The following CNTNAP5 variants were observed in gnomAD, a reference collection of about 807,000 sequenced individuals.
CNTNAP5 encodes contactin associated protein family member 5.
In CNTNAP5, 72 loss-of-function variants were observed where a neutral mutation model predicts 150.2. The observed-to-expected ratio is 0.48, with a 90% confidence interval of 0.40 to 0.58. The LOEUF (loss-of-function observed/expected upper bound fraction) is 0.58, where lower values mean the gene tolerates loss of function less well. CNTNAP5 is among the 20% of genes least tolerant of loss of function. The probability of loss-of-function intolerance (pLI) is 0.00; values close to 1 mark genes in which losing one functional copy is unlikely to be tolerated. For missense variants in CNTNAP5, 1,636 were observed against 1,626.2 expected, an observed-to-expected ratio of 1.01 and a Z score of -0.10; for synonymous variants, 672 against 619.8, an observed-to-expected ratio of 1.08 and a Z score of -1.25.
intron 7 of CNTNAP5, among the ~76,000 whole-genome samples, chr2:124,492,082 C>T (rs1694045354): frequency 6.6e-6 from 1 of 152,070 alleles, no homozygotes. Flanking sequence ...CCTTTTCATT[C>T]TGTTGCTTCC....
At chr2:124,733,004 G>T (rs1177755233) in intron 13 of CNTNAP5, among the ~76,000 whole-genome samples, 2 of 152,092 alleles carry the variant, frequency 1.3e-5, no homozygotes, top group East Asian at 1.9e-4. Context: ...ATGAATAATT[G>T]CAATGGCATT....
intron 1 of CNTNAP5, among the ~76,000 whole-genome samples, chr2:124,219,348 G>A (rs2104737223): frequency 6.6e-6 from 1 of 152,272 alleles, no homozygotes; most frequent in South Asian, 2.1e-4. Flanking sequence ...TAGTAGCAGA[G>A]TTGTATACAT....
intron 3 of CNTNAP5, among the ~76,000 whole-genome samples, chr2:124,376,474 T>C (rs1690652232): frequency 6.6e-6 from 1 of 152,076 alleles, no homozygotes; most frequent in South Asian, 2.1e-4. Context: ...GGAACTGAGA[T>C]TTGCTCTGCT....
rs2104771845 is a variant in CNTNAP5, at chr2:124,914,379, T to C, written c.*91T>C. On this transcript the variant is annotated 3_prime_UTR_variant, in exon 24 of 24. Transcript: ENST00000682447. ...CTGTCTTTTGATTTGGTCATTCTCT[T>C]TATTTTCTGCTTGCCATGTCTTTTC... The C allele has an allele frequency of 1.1e-6, 1 of 932,942 alleles. No individual in the cohort carries two copies. The highest frequency in any genetic ancestry group is 1.6e-6 in the Non-Finnish European group (1 of 613,364). 57.8% of individuals were successfully genotyped at this position (932,942 alleles called of 1,614,324 possible).
rs537519081 is a variant in CNTNAP5 at position 124,794,145 on chromosome 2, G to C, written c.2993-3951G>C. Among the ~76,000 whole-genome samples, 356 of 152,208 alleles carry C rather than the reference G, an allele frequency of 2.3e-3. 5 individuals carry two copies. Among genetic ancestry groups the C allele is most frequent in the African/African-American group, 7.6e-3 (316 of 41,516 alleles). On this transcript the variant is annotated intron_variant, in intron 18 of 23. Coordinates refer to ENST00000682447, the MANE Select transcript of CNTNAP5 (RefSeq NM_001367498.1). The stretch of plus-strand genomic sequence containing the variant: ...TTAATGATTGCAATATGTTCCATCT[G>C]GTGCTACTACCTTCTCTTGTTTAAT...
chr2:124,085,942 A>G (rs764279012), intron 1 of CNTNAP5, among the ~76,000 whole-genome samples: 1 of 152,166 alleles, frequency 6.6e-6, no homozygotes, highest in Admixed American at 6.5e-5. Flanking sequence ...CATACATTCA[A>G]TGAAAACTTG....
At chr2:124,207,609 C>T (rs930285667) in intron 1 of CNTNAP5, among the ~76,000 whole-genome samples, 7 of 152,170 alleles carry the variant, frequency 4.6e-5, no homozygotes, top group African/African-American at 1.7e-4. Flanking sequence ...TCTTTGCTCA[C>T]AGTTTTGAAA....
chr2:124,707,162 G>T (rs1679701822), intron 13 of CNTNAP5, among the ~76,000 whole-genome samples: 1 of 135,588 alleles, frequency 7.4e-6, no homozygotes, highest in East Asian at 2.8e-4. Flanking sequence ...AGAAGAAGAA[G>T]AAGAAGAAGA....
At chr2:124,362,293 G>A (rs976452651) in intron 3 of CNTNAP5, among the ~76,000 whole-genome samples, 4 of 152,194 alleles carry the variant, frequency 2.6e-5, no homozygotes, top group Non-Finnish European at 5.9e-5. Context: ...GCTGGGAGCT[G>A]TAGACCGGAG....
chr2:124,756,310 G>A (rs1680839032), intron 14 of CNTNAP5, among the ~76,000 whole-genome samples: 1 of 152,222 alleles, frequency 6.6e-6, no homozygotes, highest in Non-Finnish European at 1.5e-5. Flanking sequence ...CGTTTACACT[G>A]TGGGTGGGAG....
At chr2:124,266,787 G>C (rs148754704) in intron 3 of CNTNAP5, among the ~76,000 whole-genome samples, 1 of 152,054 alleles carries the variant, frequency 6.6e-6, no homozygotes, top group African/African-American at 2.4e-5. Context: ...ACTCAGCCCC[G>C]TCAGCCAATT....
chr2:124,771,073 A>C (rs140516550), intron 16 of CNTNAP5, among the ~76,000 whole-genome samples: 87 of 152,254 alleles, frequency 5.7e-4, no homozygotes, highest in African/African-American at 2.0e-3. Flanking sequence ...GATACTCAAA[A>C]TTCTGTGTAA....
chr2:124,529,475 T>C (rs1695056768), intron 10 of CNTNAP5, among the ~76,000 whole-genome samples: 1 of 152,172 alleles, frequency 6.6e-6, no homozygotes, highest in Non-Finnish European at 1.5e-5. Flanking sequence ...GAGTAAGTGG[T>C]AAGTTTTTCT....
chr2:124,767,031 T>A (rs1573603543), intron 16 of CNTNAP5, among the ~76,000 whole-genome samples: 1 of 152,182 alleles, frequency 6.6e-6, no homozygotes, highest in African/African-American at 2.4e-5. Flanking sequence ...GATGGAAACA[T>A]CTTGTATTCT....
intron 3 of CNTNAP5, among the ~76,000 whole-genome samples, chr2:124,411,490 G>A (rs1177683186): frequency 1.3e-5 from 2 of 150,632 alleles, no homozygotes; most frequent in Admixed American, 6.6e-5. Context: ...TAAAATACTG[G>A]GAAAATGAAT....
At chr2:124,470,982 T>C (rs573923974) in intron 6 of CNTNAP5, among the ~76,000 whole-genome samples, 1 of 152,298 alleles carries the variant, frequency 6.6e-6, no homozygotes, top group East Asian at 1.9e-4. Context: ...AGCCTTGTAG[T>C]ATAGTTTGAA....
intron 4 of CNTNAP5, among the ~76,000 whole-genome samples, chr2:124,419,374 C>G (rs911014254): frequency 1.5e-4 from 23 of 152,234 alleles, no homozygotes; most frequent in African/African-American, 2.4e-4. Context: ...AAATCACAGG[C>G]TGCAGGGTTG....
Position 124,657,015 on chromosome 2 carries a change from G to C in CNTNAP5, c.2077+9057G>C, listed in dbSNP as rs182524007. ...TGAGACAGATGCCATGTCTGGCACA[G>C]AGTAGGCCCTCTGGACACTGCTGTT... On this transcript the variant is annotated intron_variant, in intron 13 of 23. Transcript: ENST00000682447. 2.9e-3 allele frequency among the ~76,000 whole-genome samples: 449 copies of C among 152,336 alleles called. 2 individuals are homozygous for C. The highest frequency in any genetic ancestry group is 4.5e-3 in the Admixed American group (69 of 15,304).
chr2:124,714,227 A>C (rs947976762), intron 13 of CNTNAP5, among the ~76,000 whole-genome samples: 17 of 151,788 alleles, frequency 1.1e-4, no homozygotes, highest in African/African-American at 4.1e-4. Context: ...GATTTTTTTC[A>C]CCTCTATCTG....
Sources: allele counts gnomAD v4.1 joint callset (sites outside exome capture counted in the v4.1 genomes callset), GRCh38; gene constraint gnomAD v4.1.1; transcripts MANE v1.5; gene names NCBI Gene and HGNC (gene_info 2026-07-23, HGNC 2026-07-21).